Variants in IGHMBP2 observed in about 807,000 individuals in gnomAD.
IGHMBP2 encodes the protein immunoglobulin mu DNA binding protein 2, also known as DNA-binding protein SMUBP-2.
In IGHMBP2, 81 loss-of-function variants were observed where a neutral mutation model predicts 96.0. The observed-to-expected ratio is 0.84, with a 90% CI of 0.71 to 1.01. The LOEUF (loss-of-function observed/expected upper bound fraction) is 1.01. IGHMBP2 is among the 50% of genes least tolerant of loss of function. The pLI, the probability that IGHMBP2 is intolerant of heterozygous loss-of-function variation, is 0.00. For missense variants in IGHMBP2, 1,227 were observed against 1,306.3 expected (o/e 0.94, Z 0.94); for synonymous variants, 557 against 548.9 (o/e 1.01, Z -0.21).
chr11:68,919,637 G>T (rs1858805074), intron 7 of IGHMBP2, among the ~76,000 whole-genome samples: 1 of 152,176 alleles, frequency 6.6e-6, no homozygotes, highest in African/African-American at 2.4e-5. Flanking sequence ...TGATGATGTG[G>T]TTCAAGTCTG....
chr11:68,904,139 G>A, intron 1 of IGHMBP2, 101 bp downstream of exon 1: 1 of 1,002,570 alleles, frequency 1.0e-6, no homozygotes, highest in Non-Finnish European at 1.5e-6. Flanking sequence ...CGGGAATTTC[G>A]TCTCCGACCC....
intron 8 of IGHMBP2, among the ~76,000 whole-genome samples, chr11:68,931,324 G>T (rs906331066): frequency 1.3e-5 from 2 of 152,110 alleles, no homozygotes; most frequent in Non-Finnish European, 2.9e-5. Flanking sequence ...GCACCCAAGA[G>T]CTCCCGACCC....
Position 68,911,930 on chromosome 11 carries a change from G to A in IGHMBP2, c.711+327G>A, listed in dbSNP as rs187640859. On this transcript the variant is annotated intron_variant, in intron 5 of 14. Transcript: ENST00000255078. ...TGTGCTCGTGCTCCTCCGTGTGCAC[G>A]CCCGTGCAGGGGCCTGGAGTTGGCC... Among the ~76,000 whole-genome samples, 86 of 152,326 alleles carry A rather than the reference G, an allele frequency of 5.6e-4. No individual in the cohort carries two copies. In the East Asian group the frequency reaches 0.015, roughly 27 times the overall value.
intron 8 of IGHMBP2, 84 bp from the exon 9 acceptor site, chr11:68,933,215 G>A: frequency 7.2e-7 from 1 of 1,383,624 alleles, no homozygotes; most frequent in Non-Finnish European, 1.0e-6. Flanking sequence ...TGAGGTTTGG[G>A]GCCTGTCCTC....
chr11:68,934,047 C>G (rs1337495052), intron 10 of IGHMBP2, 134 bp downstream of exon 10: 2 of 735,856 alleles, frequency 2.7e-6, no homozygotes, highest in African/African-American at 3.5e-5. Context: ...AAACGGAGCC[C>G]CACACTGCAA....
At chr11:68,924,624 T>C (rs1858997201) in intron 7 of IGHMBP2, among the ~76,000 whole-genome samples, 1 of 152,248 alleles carries the variant, frequency 6.6e-6, no homozygotes, top group South Asian at 2.1e-4. Context: ...TGTTTGCCCT[T>C]AGGCCTTGCC....
At chr11:68,908,044 G>T in intron 2 of IGHMBP2, 101 bp from the exon 3 acceptor site, 1 of 1,012,534 alleles carries the variant, frequency 9.9e-7, no homozygotes. Flanking sequence ...ACTAAAGAAA[G>T]TAACAAAGAT....
intron 8 of IGHMBP2, chr11:68,933,076 G>A (rs911199233): frequency 3.9e-5 from 23 of 592,032 alleles, no homozygotes; most frequent in African/African-American, 2.6e-4. Flanking sequence ...CAGCTGCAGC[G>A]TCCCTGTTGT....
intron 8 of IGHMBP2, among the ~76,000 whole-genome samples, chr11:68,931,869 G>T (rs1859316884): frequency 6.6e-6 from 1 of 152,214 alleles, no homozygotes; most frequent in Non-Finnish European, 1.5e-5. Context: ...GTAGGAGGGA[G>T]TAGGATGGTT....
At chr11:68,918,085 A>G (rs1858738641) in intron 7 of IGHMBP2, among the ~76,000 whole-genome samples, 1 of 152,320 alleles carries the variant, frequency 6.6e-6, no homozygotes, top group Non-Finnish European at 1.5e-5. Context: ...TTCAATAGAT[A>G]AAGGGCTGTT....
intron 2 of IGHMBP2, among the ~76,000 whole-genome samples, 176 bp from the exon 3 acceptor site, chr11:68,907,969 G>A (rs1431748576): frequency 4.6e-5 from 7 of 151,198 alleles, no homozygotes; most frequent in Admixed American, 2.0e-4. Context: ...GATTACAGGC[G>A]TGAGCCACCG....
intron 7 of IGHMBP2, among the ~76,000 whole-genome samples, chr11:68,919,528 A>G (rs1858801104): frequency 6.6e-6 from 1 of 152,246 alleles, no homozygotes; most frequent in Admixed American, 6.5e-5. Flanking sequence ...TTTATGGTCC[A>G]GAATCTGGTC....
At chr11:68,905,954 A>G (rs1858173698) in intron 1 of IGHMBP2, 115 bp from the exon 2 acceptor site, 1 of 1,063,974 alleles carries the variant, frequency 9.4e-7, no homozygotes, top group Admixed American at 1.7e-5. Flanking sequence ...ATTGGGACAT[A>G]TTTAGTGCCT....
intron 7 of IGHMBP2, among the ~76,000 whole-genome samples, chr11:68,925,659 T>C (rs1323501971): frequency 6.6e-6 from 1 of 152,230 alleles, no homozygotes; most frequent in Non-Finnish European, 1.5e-5. Flanking sequence ...TGACAGATTC[T>C]CTAAGCTCAT....
chr11:68,939,851 G>C lies in IGHMBP2; in HGVS notation c.*120G>C. On this transcript the variant is annotated 3_prime_UTR_variant, in exon 15 of 15. Transcript: ENST00000255078. ...CGGAGGGGCCTATGGGGGAGGAGCG[G>C]AGGGCCCTGTTGGGGAAGGTTGGGT... 9.1e-7 allele frequency: 1 copy of C among 1,101,464 alleles called. No homozygotes were observed. Among genetic ancestry groups the C allele is most frequent in the East Asian group, 2.6e-5 (1 of 38,536 alleles). The allele number at this position is 1,101,464 out of a possible 1,614,324, so 68.2% of individuals were successfully genotyped here. A position where few individuals can be genotyped will look rare whatever the true frequency, so the allele number is the denominator to read the frequency against.
rs1464851091 is a variant in IGHMBP2, at chr11:68,936,905, C to T, written c.2425C>T (p.Pro809Ser). Residue 809 changes from proline (P) to serine (S), a missense_variant, in exon 13 of 15, where the codon CCC (proline) becomes TCC (serine). Pro to Ser is a moderately conservative substitution (Grantham distance 74). This residue lies in a region of IGHMBP2 where 703 missense variants were observed against 770.3 expected (regional missense o/e 0.91). Coordinates refer to ENST00000255078, the MANE Select transcript of IGHMBP2 (RefSeq NM_002180.3). ...TGGPAPLQPV[P>S]PTPAQTEQPP... ...TGGCCCAGCCCCTCTCCAGCCAGTG[C>T]CCCCTACCCCTGCGCAGACAGAGCA... 2.5e-6 allele frequency: 4 copies of T among 1,607,110 alleles called. No individual in the cohort carries two copies. The highest frequency in any genetic ancestry group is 2.2e-5 in the East Asian group (1 of 44,656).
rs763929172 is a variant in IGHMBP2 at position 68,936,415 on chromosome 11, T to C, written c.1935T>C (p.Asp645=). The C allele has an allele frequency of 6.2e-7, 1 of 1,614,068 alleles. No homozygotes were observed. The highest frequency in any genetic ancestry group is 8.5e-7 in the Non-Finnish European group (1 of 1,180,014). ...GCACGGCCTTTGAGTATCTTGACGA[T>C]ATTGTCCCAGAAAACTATTCCCATG... ...EVRTAFEYLD[D]IVPENYSHEN... is the part of the protein sequence containing the mutation. Residue 645 remains aspartate (D), a synonymous_variant, in exon 13 of 15, where the codon GAT becomes GAC. Transcript: ENST00000255078.
chr11:68,938,213 G>A lies in IGHMBP2; in HGVS notation c.2643G>A (p.Glu881=), dbSNP rs374950193. 2.2e-5 allele frequency: 35 copies of A among 1,613,982 alleles called. No homozygotes were observed. The highest frequency in any genetic ancestry group is 3.0e-5 in the Non-Finnish European group (35 of 1,180,052). ...CGGCCACAGATCTGCCCACGGAGGAGGACTTTGAGGCCCTGGTTTCTGCCG... is the reference window on the plus strand; with the variant it reads ...CGGCCACAGATCTGCCCACGGAGGAAGACTTTGAGGCCCTGGTTTCTGCCG... The part of the protein sequence containing the change: ...GHPATDLPTE[E]DFEALVSAAV... The change falls in exon 14 of 15, where the codon GAG becomes GAA. Residue 881 remains glutamate, a synonymous_variant. Coordinates refer to ENST00000255078, the MANE Select transcript of IGHMBP2 (RefSeq NM_002180.3).
chr11:68,925,970 C>G (rs11228411), intron 7 of IGHMBP2, among the ~76,000 whole-genome samples: 30,642 of 151,756 alleles, frequency 0.2, 3,358 homozygotes, highest in Non-Finnish European at 0.25. Context: ...TGTTTAGATT[C>G]GTGTTTTTCA....
Sources: gnomAD v4.1 joint callset for allele counts (sites outside exome capture counted in the v4.1 genomes callset) on GRCh38, gnomAD v4.1.1 for gene constraint, gnomAD v4.1.1 regional missense constraint, MANE v1.5 for transcripts, NCBI Gene and HGNC (gene_info 2026-07-23, HGNC 2026-07-21) for gene names.